Variants in SAXO1 observed in about 807,000 individuals in gnomAD.
The protein encoded by SAXO1 is 4930500O09Rik.
In SAXO1, 21 loss-of-function variants were observed where a neutral mutation model predicts 17.5. The ratio of observed to expected loss-of-function variants is 1.20; its 90% CI spans 0.85 to 1.72. The LOEUF (loss-of-function observed/expected upper bound fraction) is 1.72, where lower values mean the gene tolerates loss of function less well. Among genes scored for constraint, SAXO1 ranks in the 40% most tolerant of loss-of-function variants. The pLI is 0.00. For synonymous variants in SAXO1, 274 were observed against 216.5 expected, an observed-to-expected ratio of 1.27 and a Z score of -2.33; for missense variants, 843 against 596.0, an observed-to-expected ratio of 1.41 and a Z score of -4.32.
chr9:19,007,309 T>G (rs540566597), intron 1 of SAXO1, among the ~76,000 whole-genome samples: 27 of 152,184 alleles, frequency 1.8e-4, no homozygotes, highest in Non-Finnish European at 2.8e-4. Context: ...ATCGTGCCAC[T>G]GCACTCCAGC....
In SAXO1 at chr9:18,952,153, T is replaced by C. The variant is rs560715237; in HGVS notation, c.39-1216A>G. Among the ~76,000 whole-genome samples, 9 of 152,342 alleles carry C rather than the reference T, an allele frequency of 5.9e-5. No individual in the cohort carries two copies. In the East Asian group the frequency reaches 1.5e-3, roughly 26 times the overall value. ...GAAGGCATTTTATCAATTTTGTGTGTGCCCACAATCTTCACAATCCAGCTG... is the reference window on the plus strand; with the variant it reads ...GAAGGCATTTTATCAATTTTGTGTGCGCCCACAATCTTCACAATCCAGCTG... On this transcript the variant is annotated intron_variant, in intron 1 of 3. Coordinates refer to ENST00000380534, the MANE Select transcript of SAXO1 (RefSeq NM_153707.4).
chr9:18,992,508 T>A (rs952767860), intron 1 of SAXO1, among the ~76,000 whole-genome samples: 2 of 152,112 alleles, frequency 1.3e-5, no homozygotes, highest in African/African-American at 4.8e-5. Flanking sequence ...CCAAATAAGA[T>A]CATATTTGGA....
At chr9:18,962,432 C>T (rs1832526337) in intron 1 of SAXO1, among the ~76,000 whole-genome samples, 1 of 152,164 alleles carries the variant, frequency 6.6e-6, no homozygotes, top group African/African-American at 2.4e-5. Context: ...TTTGTTTGGC[C>T]GCATACATGT....
chr9:19,034,289 T>G (rs1019325268), upstream of SAXO1, among the ~76,000 whole-genome samples: 1 of 152,134 alleles, frequency 6.6e-6, no homozygotes, highest in Non-Finnish European at 1.5e-5. Context: ...GGGTTAGGTT[T>G]TTTCCTTCAG....
At chr9:18,982,329 G>A (rs1181430862) in intron 1 of SAXO1, among the ~76,000 whole-genome samples, 3 of 152,120 alleles carry the variant, frequency 2.0e-5, no homozygotes, top group Admixed American at 6.5e-5. Context: ...TTGGAATTCC[G>A]AGGCAATTTT....
At chr9:19,030,752 G>A (rs1342408888) in intron 1 of SAXO1, among the ~76,000 whole-genome samples, 1 of 152,130 alleles carries the variant, frequency 6.6e-6, no homozygotes, top group Non-Finnish European at 1.5e-5. Flanking sequence ...TTCTGTTTGA[G>A]GGAGAGTAAG....
intron 1 of SAXO1, among the ~76,000 whole-genome samples, chr9:19,011,400 T>C (rs1236165336): frequency 6.6e-6 from 1 of 152,186 alleles, no homozygotes; most frequent in Non-Finnish European, 1.5e-5. Context: ...AGGCCATAGA[T>C]GACTTAAACA....
intron 1 of SAXO1, among the ~76,000 whole-genome samples, chr9:18,955,579 C>A (rs1588435725): frequency 6.6e-6 from 1 of 152,148 alleles, no homozygotes; most frequent in South Asian, 2.1e-4. Flanking sequence ...ATACAATATC[C>A]GTCTCTTTCT....
chr9:19,029,924 T>A (rs1835679883), intron 1 of SAXO1, among the ~76,000 whole-genome samples: 1 of 152,214 alleles, frequency 6.6e-6, no homozygotes, highest in Non-Finnish European at 1.5e-5. Flanking sequence ...AAGATATGTG[T>A]TAGCTGTTAA....
rs920533586 is a variant in SAXO1, at chr9:19,033,034, G to C, written c.-126C>G. ...GTCTTGGCAGGTGTTCTGTTTACTC[G>C]AAGGAAAATTTAAGTGGCCCTTTTG... On this transcript the variant is annotated 5_prime_UTR_variant, in exon 1 of 4. Transcript: ENST00000380534. The C allele has an allele frequency of 9.8e-7, 1 of 1,021,128 alleles. No homozygotes were observed. Among genetic ancestry groups the C allele is most frequent in the Admixed American group, 3.1e-5 (1 of 31,914 alleles). The allele number at this position is 1,021,128 out of a possible 1,614,324, so 63.3% of individuals were successfully genotyped here.
chr9:18,996,948 A>C (rs1834030578), intron 1 of SAXO1, among the ~76,000 whole-genome samples: 1 of 152,214 alleles, frequency 6.6e-6, no homozygotes, highest in East Asian at 1.9e-4. Flanking sequence ...AACCCAAAAA[A>C]AAAATCTAGG....
chr9:19,002,044 T>C (rs1224604843), intron 1 of SAXO1, among the ~76,000 whole-genome samples: 2 of 151,858 alleles, frequency 1.3e-5, no homozygotes, highest in Non-Finnish European at 2.9e-5. Flanking sequence ...ATAGACGCAA[T>C]AAAAAATGAT....
chr9:19,031,537 C>G (rs7855250), intron 1 of SAXO1, among the ~76,000 whole-genome samples: 74,041 of 152,020 alleles, frequency 0.49, 19,866 homozygotes, highest in African/African-American at 0.73. Flanking sequence ...CTCCAGCCTG[C>G]GCAACAGAGC....
intron 1 of SAXO1, among the ~76,000 whole-genome samples, chr9:19,018,527 G>C (rs1588540785): frequency 6.6e-6 from 1 of 152,350 alleles, no homozygotes; most frequent in Admixed American, 6.5e-5. Context: ...AATACACGCT[G>C]TTGGAAGCCT....
At chr9:18,948,009 G>A (rs1205047545) in intron 2 of SAXO1, among the ~76,000 whole-genome samples, 1 of 152,118 alleles carries the variant, frequency 6.6e-6, no homozygotes, top group Non-Finnish European at 1.5e-5. Flanking sequence ...AACTAAGCAG[G>A]GTCACTGTTT....
At chr9:18,934,191 A>G (rs1831188283) in intron 3 of SAXO1, among the ~76,000 whole-genome samples, 1 of 151,922 alleles carries the variant, frequency 6.6e-6, no homozygotes, top group Non-Finnish European at 1.5e-5. Context: ...TACTTATTCT[A>G]TTTGGATTGT....
At chr9:19,022,057 T>C (rs890207715) in intron 1 of SAXO1, among the ~76,000 whole-genome samples, 8 of 152,254 alleles carry the variant, frequency 5.3e-5, no homozygotes, top group Admixed American at 2.6e-4. Flanking sequence ...TGCTCACTCC[T>C]TGGGTCCGCA....
chr9:18,963,777 C>T (rs1832594672), intron 1 of SAXO1, among the ~76,000 whole-genome samples: 1 of 152,114 alleles, frequency 6.6e-6, no homozygotes, highest in Non-Finnish European at 1.5e-5. Flanking sequence ...ATTGAATACC[C>T]TTTATTTCTT....
chr9:19,048,091 G>A (rs1158541255), intron 1 of SAXO1, among the ~76,000 whole-genome samples: 1 of 152,176 alleles, frequency 6.6e-6, no homozygotes, highest in Non-Finnish European at 1.5e-5. Context: ...TACTGCACAC[G>A]TTAACAGTAG....
Sources: allele counts gnomAD v4.1 joint callset (sites outside exome capture counted in the v4.1 genomes callset), GRCh38; gene constraint gnomAD v4.1.1; transcripts MANE v1.5; gene names NCBI Gene and HGNC (gene_info 2026-07-23, HGNC 2026-07-21).